GNPTAB: variants seen among roughly 807,000 people sequenced by gnomAD.
GNPTAB encodes the protein N-acetylglucosamine-1-phosphotransferase subunits alpha/beta.
GNPTAB carries 92 observed loss-of-function variants against 136.6 expected under a neutral mutation model. That is an observed-to-expected ratio of 0.67 (90% CI 0.57 to 0.80). The LOEUF (loss-of-function observed/expected upper bound fraction) is 0.80, where lower values mean the gene tolerates loss of function less well. GNPTAB is among the 30% of genes least tolerant of loss of function. GNPTAB has a pLI of 0.00. For synonymous variants in GNPTAB, 512 were observed against 535.1 expected (o/e 0.96, Z 0.60); for missense variants, 1,343 against 1,501.8 (o/e 0.89, Z 1.75).
chr12:101,759,419 T>TAAA (rs1214680072), intron 16 of GNPTAB, among the ~76,000 whole-genome samples: 2 of 122,140 alleles, frequency 1.6e-5, no homozygotes, highest in African/African-American at 6.1e-5. Flanking sequence ...AAATAAAGCT[T>TAAA]AAAAAAAAAA....
intron 1 of GNPTAB, among the ~76,000 whole-genome samples, chr12:101,803,784 A>G (rs1340045015): frequency 6.6e-6 from 1 of 152,232 alleles, no homozygotes; most frequent in Non-Finnish European, 1.5e-5. Context: ...TACAGATTAA[A>G]ATATAATAAA....
In GNPTAB at chr12:101,789,925, A is replaced by G. The variant is rs748548514; in HGVS notation, c.323+13T>C. Reference sequence around the variant, plus strand: ...CATTACCCATCTGATGTGAAAAAAAAAATCAGTTTTACCTCATTGCTTTCT... The same window carrying G: ...CATTACCCATCTGATGTGAAAAAAAGAATCAGTTTTACCTCATTGCTTTCT... On this transcript the variant is annotated intron_variant, in intron 3 of 20. Coordinates refer to ENST00000299314, the MANE Select transcript of GNPTAB (RefSeq NM_024312.5). The G allele has an allele frequency of 2.5e-6, 4 of 1,613,918 alleles. No individual in the cohort carries two copies. The highest frequency in any genetic ancestry group is 3.4e-6 in the Non-Finnish European group (4 of 1,179,834).
rs1182584185 is a variant in GNPTAB, at chr12:101,764,739, T to G, written c.2178A>C (p.Lys726Asn). ...AGGCTGACTTGGACAAATTGTATCCTTTCAAAGTGATGTCTCCATGTTCCA... is the reference window on the plus strand; with the variant it reads ...AGGCTGACTTGGACAAATTGTATCCGTTCAAAGTGATGTCTCCATGTTCCA... ...LQLEHGDITL[K>N]GYNLSKSALL... Residue 726 changes from lysine (K) to asparagine (N), a missense_variant, in exon 13 of 21, where the codon AAA becomes AAC. By Grantham distance (94) the Lys-to-Asn change is moderately conservative (BLOSUM62 0). Coordinates refer to ENST00000299314, the MANE Select transcript of GNPTAB (RefSeq NM_024312.5). 6.2e-7 allele frequency: 1 copy of G among 1,613,784 alleles called. No individual in the cohort carries two copies. The highest frequency in any genetic ancestry group is 1.3e-5 in the African/African-American group (1 of 74,912).
intron 1 of GNPTAB, among the ~76,000 whole-genome samples, chr12:101,805,043 C>A (rs1193885197): frequency 6.6e-6 from 1 of 151,282 alleles, no homozygotes; most frequent in East Asian, 1.9e-4. Context: ...ACTGGGGAGA[C>A]AAATATGATG....
intron 9 of GNPTAB, 53 bp downstream of exon 9, chr12:101,770,353 T>G (rs1953152057): frequency 3.5e-6 from 5 of 1,448,052 alleles, no homozygotes; most frequent in Non-Finnish European, 3.9e-6. Flanking sequence ...TGTACCACAC[T>G]AAAAGAGCAG....
intron 1 of GNPTAB, among the ~76,000 whole-genome samples, chr12:101,817,556 T>C (rs1175128453): frequency 2.0e-5 from 3 of 152,022 alleles, no homozygotes; most frequent in Non-Finnish European, 2.9e-5. Context: ...GTGTGAGCCA[T>C]TGCACCCAGC....
chr12:101,756,703 A>C (rs956835918), intron 18 of GNPTAB: 1 of 186,954 alleles, frequency 5.3e-6, no homozygotes, highest in African/African-American at 2.4e-5. Context: ...CTAAAGTAAC[A>C]GTTAAGGGGC....
chr12:101,770,606 A>G, intron 8 of GNPTAB, 21 bp from the exon 9 acceptor site: 1 of 1,586,440 alleles, frequency 6.3e-7, no homozygotes, highest in Non-Finnish European at 8.7e-7. Flanking sequence ...CACTTGGCAT[A>G]TGAAGATGTG....
chr12:101,815,621 C>A (rs61938210), intron 1 of GNPTAB, among the ~76,000 whole-genome samples: 5 of 80,812 alleles, frequency 6.2e-5, no homozygotes, highest in African/African-American at 1.4e-4. Context: ...AGACCCTGTT[C>A]CAAAAAAAAA....
intron 1 of GNPTAB, among the ~76,000 whole-genome samples, chr12:101,821,846 C>T (rs1870818431): frequency 6.6e-6 from 1 of 152,154 alleles, no homozygotes; most frequent in Admixed American, 6.5e-5. Context: ...TGTCACTCCG[C>T]TGGAATCAGC....
At position 101,768,048 on chromosome 12, in the gene GNPTAB, C is replaced by T; in HGVS notation, c.1397G>A (p.Gly466Glu). The T allele has an allele frequency of 6.2e-7, 1 of 1,614,120 alleles. No homozygotes were observed. The highest frequency in any genetic ancestry group is 8.5e-7 in the Non-Finnish European group (1 of 1,179,990). ...TAACACATCCTTACCAGAGCAATCCCCACCATCCCAATCGCAGGCTGAATT... is the reference window on the plus strand; with the variant it reads ...TAACACATCCTTACCAGAGCAATCCTCACCATCCCAATCGCAGGCTGAATT... ...CNNSACDWDG[G>E]DCSGNSGGSR... The change falls in exon 11 of 21, where the codon GGG becomes GAG. Residue 466 changes from glycine (G) to glutamate (E), a missense_variant. Gly to Glu is a moderately conservative substitution (Grantham distance 98). Coordinates refer to ENST00000299314, the MANE Select transcript of GNPTAB (RefSeq NM_024312.5).
In GNPTAB at chr12:101,753,205, G is replaced by A. The variant is rs6539011; in HGVS notation, c.3602+167C>T. On this transcript the variant is annotated intron_variant, in intron 19 of 20. Transcript: ENST00000299314. Reference sequence around the variant, plus strand: ...GAGGCGGAGGTTGCAGTGAGCTGAGGTTGCGCCATTGCACTCCAGCTTGGG... The same window carrying A: ...GAGGCGGAGGTTGCAGTGAGCTGAGATTGCGCCATTGCACTCCAGCTTGGG... 0.44 allele frequency among the ~76,000 whole-genome samples: 66,752 copies of A among 151,160 alleles called. 14,970 individuals are homozygous for A. Among genetic ancestry groups the A allele is most frequent in the African/African-American group, 0.52 (21,415 of 41,136 alleles).
At chr12:101,821,499 C>T (rs1870801617) in intron 1 of GNPTAB, among the ~76,000 whole-genome samples, 1 of 152,164 alleles carries the variant, frequency 6.6e-6, no homozygotes, top group Non-Finnish European at 1.5e-5. Context: ...CAGCAAAATA[C>T]AAGATACCAC....
At chr12:101,770,308 T>C in intron 9 of GNPTAB, 98 bp downstream of exon 9, 1 of 1,375,252 alleles carries the variant, frequency 7.3e-7, no homozygotes, top group Non-Finnish European at 1.0e-6. Flanking sequence ...GAAATGGAGG[T>C]AGAAGGGTAA....
At chr12:101,805,253 CTT>C (rs1385767298) in intron 1 of GNPTAB, among the ~76,000 whole-genome samples, 2 of 152,110 alleles carry the variant, frequency 1.3e-5, no homozygotes, top group Non-Finnish European at 2.9e-5. Flanking sequence ...GTTTGTGAAA[CTT>C]AATGTATTTA....
intron 4 of GNPTAB, among the ~76,000 whole-genome samples, chr12:101,786,950 TCTC>T (rs1868682147): frequency 6.6e-6 from 1 of 152,152 alleles, no homozygotes; most frequent in Non-Finnish European, 1.5e-5. Flanking sequence ...GTGCAGTAAA[TCTC>T]CTTCTCTTAA....
intron 19 of GNPTAB, among the ~76,000 whole-genome samples, chr12:101,752,796 G>A (rs1020157778): frequency 6.6e-6 from 1 of 152,046 alleles, no homozygotes; most frequent in African/African-American, 2.4e-5. Context: ...TTACACATTG[G>A]TCAACAAACA....
chr12:101,759,557 T>A (rs948404559), intron 16 of GNPTAB, among the ~76,000 whole-genome samples: 13 of 152,214 alleles, frequency 8.5e-5, no homozygotes, highest in African/African-American at 3.1e-4. Flanking sequence ...AAAATGTCTC[T>A]TATAATCTAT....
chr12:101,759,006 T>C (rs1952946883), intron 16 of GNPTAB, among the ~76,000 whole-genome samples: 1 of 152,194 alleles, frequency 6.6e-6, no homozygotes. Context: ...TGGAGGATTT[T>C]TATAGTTCAA....
Sources: gnomAD v4.1 joint callset for allele counts (sites outside exome capture counted in the v4.1 genomes callset) on GRCh38, gnomAD v4.1.1 for gene constraint, MANE v1.5 for transcripts, NCBI Gene and HGNC (gene_info 2026-07-23, HGNC 2026-07-21) for gene names.